NDUFA5: variants seen among roughly 807,000 people sequenced by gnomAD.
NDUFA5 encodes the protein NADH dehydrogenase [ubiquinone] 1 alpha subcomplex subunit 5.
Under a neutral mutation model 19.8 loss-of-function variants are expected in NDUFA5, and 11 were observed. The ratio of observed to expected loss-of-function variants is 0.56; its 90% CI spans 0.35 to 0.92. The LOEUF is 0.92. Ranked by LOEUF, NDUFA5 falls within the 40% of genes least tolerant of loss-of-function variation. NDUFA5 has a pLI of 0.01. For synonymous variants in NDUFA5, 47 were observed against 46.8 expected (o/e 1.00, Z -0.01); for missense variants, 109 against 134.2 (o/e 0.81, Z 0.93).
the NDUFA5 span, among the ~76,000 whole-genome samples, chr7:123,569,885 G>C: frequency 6.6e-6 from 1 of 152,128 alleles, no homozygotes; most frequent in Admixed American, 6.5e-5. Context: ...TGATAAGAAT[G>C]CCTTTGTACG....
At chr7:123,569,855 A>C in the NDUFA5 span, among the ~76,000 whole-genome samples, 5 of 152,194 alleles carry the variant, frequency 3.3e-5, no homozygotes, top group African/African-American at 9.7e-5. Context: ...AAAAAGAGGA[A>C]GCAGAAGGGA....
At chr7:123,560,901 T>C (rs550950957), upstream of NDUFA5, among the ~76,000 whole-genome samples, 1 of 152,316 alleles carries the variant, frequency 6.6e-6, no homozygotes, top group Non-Finnish European at 1.5e-5. Context: ...TATGCTCTAG[T>C]CTATTATAGC....
chr7:123,594,258 C>T, the NDUFA5 span, among the ~76,000 whole-genome samples: 32,335 of 151,786 alleles, frequency 0.21, 3,656 homozygotes, highest in East Asian at 0.4. Flanking sequence ...TTGTTATTAC[C>T]GACTTCTGAG....
At chr7:123,550,318 AAG>A (rs1188518585) in intron 3 of NDUFA5, 150 bp downstream of exon 3, 2 of 600,664 alleles carry the variant, frequency 3.3e-6, no homozygotes, top group Non-Finnish European at 5.9e-6. Context: ...CTCAATAAAC[AAG>A]AGTTTGCTGA....
chr7:123,558,154 G>T, upstream of NDUFA5: 1 of 339,978 alleles, frequency 2.9e-6, no homozygotes, highest in Non-Finnish European at 5.5e-6. Context: ...AACCGTTGAT[G>T]CATTCCTCAA....
chr7:123,564,839 T>A, the NDUFA5 span, among the ~76,000 whole-genome samples: 1 of 151,870 alleles, frequency 6.6e-6, no homozygotes, highest in African/African-American at 2.4e-5. Context: ...ATATTTTCAA[T>A]TTTATGATGG....
chr7:123,578,484 A>G, the NDUFA5 span, among the ~76,000 whole-genome samples: 1 of 151,754 alleles, frequency 6.6e-6, no homozygotes, highest in Non-Finnish European at 1.5e-5. Context: ...TTTCCTCTAT[A>G]CTTTTAGTAC....
chr7:123,590,461 C>T, the NDUFA5 span, among the ~76,000 whole-genome samples: 1 of 152,142 alleles, frequency 6.6e-6, no homozygotes, highest in Non-Finnish European at 1.5e-5. Flanking sequence ...TTAGGTCTTA[C>T]ATTTAAGTCT....
At chr7:123,590,078 G>A in the NDUFA5 span, among the ~76,000 whole-genome samples, 1 of 152,144 alleles carries the variant, frequency 6.6e-6, no homozygotes, top group African/African-American at 2.4e-5. Flanking sequence ...CAGTGATGGT[G>A]AGCATTTCTT....
intron 4 of NDUFA5, 127 bp from the exon 5 acceptor site, chr7:123,542,347 A>C: frequency 1.7e-6 from 1 of 602,320 alleles, no homozygotes; most frequent in Non-Finnish European, 2.8e-6. Flanking sequence ...CCACCATCAA[A>C]TGTTGAATAT....
chr7:123,588,822 T>C, the NDUFA5 span, among the ~76,000 whole-genome samples: 1 of 151,808 alleles, frequency 6.6e-6, no homozygotes, highest in East Asian at 1.9e-4. Context: ...GATTTCTTTT[T>C]TGACCCACTG....
chr7:123,551,918 A>C (rs1446972829), intron 2 of NDUFA5, among the ~76,000 whole-genome samples: 2 of 152,194 alleles, frequency 1.3e-5, no homozygotes, highest in East Asian at 3.9e-4. Flanking sequence ...AAAATGTATC[A>C]GTGTCTAGAG....
At chr7:123,579,419 C>T in the NDUFA5 span, among the ~76,000 whole-genome samples, 3 of 152,180 alleles carry the variant, frequency 2.0e-5, no homozygotes, top group South Asian at 2.1e-4. Flanking sequence ...GTAGAGGTTA[C>T]AATAGTTATA....
the NDUFA5 span, among the ~76,000 whole-genome samples, chr7:123,564,369 GA>G: frequency 6.6e-6 from 1 of 151,976 alleles, no homozygotes; most frequent in East Asian, 1.9e-4. Context: ...ATTCTCCCAT[GA>G]TTTTTTTCAC....
the NDUFA5 span, among the ~76,000 whole-genome samples, chr7:123,599,313 C>A: frequency 6.6e-6 from 1 of 152,160 alleles, no homozygotes; most frequent in African/African-American, 2.4e-5. Context: ...AGTAGGACTC[C>A]CCAAGGTGTT....
chr7:123,579,675 G>A, the NDUFA5 span, among the ~76,000 whole-genome samples: 1 of 151,962 alleles, frequency 6.6e-6, no homozygotes, highest in African/African-American at 2.4e-5. Flanking sequence ...TTCTGCTCCT[G>A]GGAGTTGAGT....
chr7:123,596,883 C>T, the NDUFA5 span, among the ~76,000 whole-genome samples: 4 of 152,110 alleles, frequency 2.6e-5, no homozygotes, highest in African/African-American at 9.7e-5. Flanking sequence ...TCAAAATTTA[C>T]TTTGGTTGCC....
rs1797880078 is a variant in NDUFA5 at position 123,540,189 on chromosome 7, G to A, written c.*1930C>T. 6.6e-6 allele frequency: 1 copy of A among 152,182 alleles called. No individual in the cohort carries two copies. The highest frequency in any genetic ancestry group is 2.1e-4 in the South Asian group (1 of 4,830). 9.4% of individuals were successfully genotyped at this position (152,182 alleles called of 1,614,324 possible). ...TAGGGTTGTAGTGCAGGTTTAATGA[G>A]TGAAATTAGTCAGGTACTTATGATA... On this transcript the variant is annotated 3_prime_UTR_variant, in exon 5 of 5. Transcript: ENST00000355749.
At chr7:123,597,956 G>GTGTGTGTGTGTA in the NDUFA5 span, among the ~76,000 whole-genome samples, 3 of 151,206 alleles carry the variant, frequency 2.0e-5, no homozygotes, top group Non-Finnish European at 4.4e-5. Context: ...GTGTGTGTGT[G>GTGTGTGTGTGTA]TGTGTCTTTG....
Sources: gnomAD v4.1 joint callset for allele counts (sites outside exome capture counted in the v4.1 genomes callset) on GRCh38, gnomAD v4.1.1 for gene constraint, MANE v1.5 for transcripts, NCBI Gene and HGNC (gene_info 2026-07-23, HGNC 2026-07-21) for gene names.